Variants in PHLDB2 observed in about 807,000 individuals in gnomAD.
PHLDB2 encodes pleckstrin homology-like domain family B member 2.
A neutral mutation model predicts 123.6 loss-of-function variants in PHLDB2; 71 were observed. That is an observed-to-expected ratio of 0.57 (90% CI 0.47 to 0.70). The LOEUF is 0.70. PHLDB2 is among the 30% of genes least tolerant of loss of function. The pLI is 0.00. For synonymous variants in PHLDB2, 547 were observed against 541.6 expected, an observed-to-expected ratio of 1.01 and a Z score of -0.14; for missense variants, 1,446 against 1,519.5, an observed-to-expected ratio of 0.95 and a Z score of 0.80.
intron 2 of PHLDB2, among the ~76,000 whole-genome samples, chr3:111,891,164 C>G (rs2066465610): frequency 6.6e-6 from 1 of 152,132 alleles, no homozygotes; most frequent in Non-Finnish European, 1.5e-5. Flanking sequence ...GATGCTGATT[C>G]TTTGACAAAT....
At chr3:111,851,195 A>T (rs200807862) in intron 2 of PHLDB2, among the ~76,000 whole-genome samples, 15 of 9,150 alleles carry the variant, frequency 1.6e-3, no homozygotes, top group Admixed American at 0.01. Context: ...ATTCTGTCTT[A>T]AAAAAAAAAA....
At chr3:111,948,072 G>C (rs2070435162) in intron 9 of PHLDB2, among the ~76,000 whole-genome samples, 1 of 152,190 alleles carries the variant, frequency 6.6e-6, no homozygotes, top group Non-Finnish European at 1.5e-5. Context: ...ACAGATTCGG[G>C]AGTTCTGCTT....
intron 1 of PHLDB2, among the ~76,000 whole-genome samples, chr3:111,814,334 A>G (rs1420523342): frequency 2.0e-5 from 3 of 152,026 alleles, no homozygotes; most frequent in Non-Finnish European, 2.9e-5. Context: ...CTCCCAGCCT[A>G]CATCTTTCTC....
chr3:111,968,269 G>GT (rs755979880), intron 15 of PHLDB2, among the ~76,000 whole-genome samples: 11 of 152,204 alleles, frequency 7.2e-5, no homozygotes, highest in Non-Finnish European at 1.6e-4. Context: ...CTAGAGCAGT[G>GT]TAATTTTTCA....
intron 1 of PHLDB2, among the ~76,000 whole-genome samples, chr3:111,791,811 C>A (rs1367860520): frequency 6.6e-6 from 1 of 152,106 alleles, no homozygotes; most frequent in Non-Finnish European, 1.5e-5. Context: ...TTTGTCATTT[C>A]TTTGTGTTGG....
chr3:111,967,620 A>G, intron 14 of PHLDB2, 58 bp from the exon 15 acceptor site: 1 of 1,499,542 alleles, frequency 6.7e-7, no homozygotes, highest in South Asian at 1.3e-5. Context: ...TATTGATTGG[A>G]ACCATTCAAG....
intron 16 of PHLDB2, among the ~76,000 whole-genome samples, chr3:111,972,922 A>G (rs2072302974): frequency 1.3e-5 from 2 of 152,092 alleles, no homozygotes; most frequent in African/African-American, 2.4e-5. Flanking sequence ...TGTTTTACCT[A>G]CTGTCTTCCA....
chr3:111,816,101 T>C (rs2062063584), intron 1 of PHLDB2, among the ~76,000 whole-genome samples: 1 of 152,202 alleles, frequency 6.6e-6, no homozygotes, highest in Admixed American at 6.5e-5. Context: ...TTTCAGAAGA[T>C]GTATGAAAAC....
At chr3:111,838,047 T>TAACAAC (rs11468665) in intron 1 of PHLDB2, among the ~76,000 whole-genome samples, 61 of 151,146 alleles carry the variant, frequency 4.0e-4, no homozygotes, top group Admixed American at 7.3e-4. Context: ...GTCTCAAAAA[T>TAACAAC]AACAACAACA....
intron 12 of PHLDB2, among the ~76,000 whole-genome samples, chr3:111,954,897 A>G (rs2070945027): frequency 6.6e-6 from 1 of 152,192 alleles, no homozygotes; most frequent in Non-Finnish European, 1.5e-5. Flanking sequence ...GATGGCAGGC[A>G]TTTGGCCTTC....
chr3:111,954,205 T>G (rs2070888908), intron 12 of PHLDB2, among the ~76,000 whole-genome samples, 176 bp downstream of exon 12: 1 of 152,216 alleles, frequency 6.6e-6, no homozygotes, highest in African/African-American at 2.4e-5. Context: ...TTTATACATA[T>G]AGCTGGTATA....
intron 6 of PHLDB2, among the ~76,000 whole-genome samples, chr3:111,938,207 T>A (rs1326416442): frequency 1.3e-5 from 2 of 152,204 alleles, no homozygotes; most frequent in Non-Finnish European, 2.9e-5. Context: ...AGACTTTATT[T>A]TTTAGAGCAG....
chr3:111,763,900 T>C (rs9858064), intron 1 of PHLDB2, among the ~76,000 whole-genome samples: 28,838 of 152,130 alleles, frequency 0.19, 2,881 homozygotes, highest in African/African-American at 0.21. Context: ...GAATGAATTC[T>C]GTTTTTTCTA....
chr3:111,935,093 A>ATTTTTTT (rs34291565), intron 6 of PHLDB2, among the ~76,000 whole-genome samples: 10 of 75,170 alleles, frequency 1.3e-4, no homozygotes, highest in South Asian at 5.2e-4. Flanking sequence ...TGGTATCTTG[A>ATTTTTTT]TTTTTTTTTT....
chr3:111,737,451 T>A (rs955382), intron 1 of PHLDB2, among the ~76,000 whole-genome samples: 52,740 of 152,064 alleles, frequency 0.35, 11,178 homozygotes, highest in African/African-American at 0.59. Flanking sequence ...CTTCTGCCCC[T>A]GACCCACCCA....
chr3:111,772,984 A>C (rs2060204161), intron 1 of PHLDB2, among the ~76,000 whole-genome samples: 1 of 152,162 alleles, frequency 6.6e-6, no homozygotes, highest in African/African-American at 2.4e-5. Flanking sequence ...CTCATGTGCA[A>C]ATCATATATT....
At chr3:111,834,282 AATTCT>A (rs1439266023) in intron 1 of PHLDB2, among the ~76,000 whole-genome samples, 1 of 134,670 alleles carries the variant, frequency 7.4e-6, no homozygotes, top group Non-Finnish European at 1.6e-5. Flanking sequence ...TAATATATAT[AATTCT>A]ATTATATACA....
chr3:111,839,523 T>C (rs1234053368), intron 1 of PHLDB2, among the ~76,000 whole-genome samples: 2 of 152,244 alleles, frequency 1.3e-5, no homozygotes, highest in Non-Finnish European at 2.9e-5. Flanking sequence ...AACATTATCT[T>C]TAGCATTTTA....
intron 1 of PHLDB2, among the ~76,000 whole-genome samples, chr3:111,882,078 A>G (rs771446304): frequency 2.8e-4 from 42 of 152,192 alleles, no homozygotes; most frequent in Non-Finnish European, 5.7e-4. Flanking sequence ...TTTTTATGCT[A>G]TAAAATGTAC....
Sources: gnomAD v4.1 joint callset for allele counts (sites outside exome capture counted in the v4.1 genomes callset) on GRCh38, gnomAD v4.1.1 for gene constraint, MANE v1.5 for transcripts, NCBI Gene and HGNC (gene_info 2026-07-23, HGNC 2026-07-21) for gene names.